Variants in SMARCAD1 observed in about 807,000 individuals in gnomAD.
The protein encoded by SMARCAD1 is SNF2 related chromatin remodeling ATPase with DExD box 1.
A neutral mutation model predicts 127.1 loss-of-function variants in SMARCAD1; 25 were observed. The ratio of observed to expected loss-of-function variants is 0.20; its 90% confidence interval spans 0.14 to 0.27. The LOEUF is 0.27. SMARCAD1 is among the 10% of genes least tolerant of loss of function. The probability of loss-of-function intolerance (pLI) is 1.00; values close to 1 mark genes in which losing one functional copy is unlikely to be tolerated. For synonymous variants in SMARCAD1, 400 were observed against 396.9 expected (o/e 1.01, Z -0.09); for missense variants, 807 against 1,206.0 (o/e 0.67, Z 4.90).
chr4:94,267,188 A>G lies in SMARCAD1; in HGVS notation c.1481+2282A>G, dbSNP rs375772724. Among the ~76,000 whole-genome samples, 10 of 152,274 alleles carry G rather than the reference A, an allele frequency of 6.6e-5. No individual in the cohort carries two copies. The East Asian group carries it at 1.5e-3, about 24-fold the overall frequency. On this transcript the variant is annotated intron_variant, in intron 10 of 23. Coordinates refer to ENST00000354268, the MANE Select transcript of SMARCAD1 (RefSeq NM_020159.5). ...TGATCTTGTTCATCCTGAACTTGACAGCATGGTTCCTACCCTGTTCTTACA... is the reference window on the plus strand; with the variant it reads ...TGATCTTGTTCATCCTGAACTTGACGGCATGGTTCCTACCCTGTTCTTACA...
At chr4:94,273,754 A>G (rs752441151) in intron 12 of SMARCAD1, 38 bp downstream of exon 12, 12 of 1,495,430 alleles carry the variant, frequency 8.0e-6, no homozygotes, top group African/African-American at 2.8e-5. Context: ...TAACTTTATC[A>G]TGTTTTATAT....
chr4:94,253,770 C>T (rs1225314787), intron 9 of SMARCAD1: 3 of 800,058 alleles, frequency 3.7e-6, no homozygotes, highest in South Asian at 5.6e-5. Context: ...TGCCAACAGT[C>T]ATCAAATCTT....
At chr4:94,279,697 G>A (rs2125995912) in intron 19 of SMARCAD1, among the ~76,000 whole-genome samples, 1 of 152,174 alleles carries the variant, frequency 6.6e-6, no homozygotes, top group Admixed American at 6.5e-5. Flanking sequence ...CCCTTTACAG[G>A]AACAGTTTGC....
intron 6 of SMARCAD1, among the ~76,000 whole-genome samples, chr4:94,248,259 G>A (rs4331749): frequency 4.6e-4 from 70 of 152,292 alleles, no homozygotes; most frequent in South Asian, 1.2e-3. Context: ...GTGTGTATCA[G>A]TACTTCATTC....
In SMARCAD1 at chr4:94,289,704, TACTC is replaced by T. The variant is rs200998764; in HGVS notation, c.*173_*176del. ...TTTGCCACTAACTGAATTCTCCAAA[TACTC>T]ACACGTGAAATTTCAAAAAAGAAGC... On this transcript the variant is annotated 3_prime_UTR_variant, in exon 24 of 24. Coordinates refer to ENST00000354268, the MANE Select transcript of SMARCAD1 (RefSeq NM_020159.5). The T allele has an allele frequency of 0.022, 16,031 of 716,534 alleles. 287 individuals are homozygous for T. Among genetic ancestry groups the T allele is most frequent in the Middle Eastern group, 0.048 (148 of 3,072 alleles). 44.4% of individuals were successfully genotyped at this position (716,534 alleles called of 1,614,324 possible).
intron 12 of SMARCAD1, 99 bp from the exon 13 acceptor site, chr4:94,274,639 C>G: frequency 4.4e-6 from 5 of 1,148,194 alleles, no homozygotes; most frequent in Non-Finnish European, 6.6e-6. Context: ...TTATAAAAGA[C>G]TGATTTCTGA....
intron 3 of SMARCAD1, among the ~76,000 whole-genome samples, chr4:94,231,608 A>G (rs1050062404): frequency 1.3e-5 from 2 of 152,170 alleles, no homozygotes; most frequent in African/African-American, 2.4e-5. Flanking sequence ...ATTTTAAATT[A>G]CGGACATCCC....
chr4:94,252,077 C>G (rs950649798), intron 8 of SMARCAD1, among the ~76,000 whole-genome samples: 1 of 152,278 alleles, frequency 6.6e-6, no homozygotes, highest in South Asian at 2.1e-4. Context: ...GTCTCGAACT[C>G]CTGACCTTGT....
intron 6 of SMARCAD1, 103 bp downstream of exon 6, chr4:94,241,109 C>T: frequency 2.6e-6 from 2 of 772,616 alleles, no homozygotes; most frequent in Non-Finnish European, 4.4e-6. Flanking sequence ...TAAATGAATT[C>T]CTTTCTATCA....
intron 9 of SMARCAD1, 36 bp downstream of exon 9, chr4:94,253,043 G>A (rs1396801666): frequency 1.9e-6 from 3 of 1,604,878 alleles, no homozygotes; most frequent in Non-Finnish European, 2.5e-6. Context: ...TTGTATGTGT[G>A]TGTGTATTTA....
chr4:94,275,796 C>CTTTTTTTTTTTTTTTTTTTTT (rs535710589), intron 14 of SMARCAD1, among the ~76,000 whole-genome samples: 1 of 85,410 alleles, frequency 1.2e-5, no homozygotes, highest in African/African-American at 3.7e-5. Flanking sequence ...TTAACATTTT[C>CTTTTTTTTTTTTTTTTTTTTT]TTTTTTTTTT....
At chr4:94,247,819 G>A (rs1424135023) in intron 6 of SMARCAD1, among the ~76,000 whole-genome samples, 1 of 152,064 alleles carries the variant, frequency 6.6e-6, no homozygotes. Context: ...TTTAATTTCA[G>A]AAAAATGTGT....
At chr4:94,248,352 C>A in intron 6 of SMARCAD1, 2 of 386,214 alleles carry the variant, frequency 5.2e-6, no homozygotes, top group Middle Eastern at 7.2e-4. Flanking sequence ...AACAAATGAA[C>A]AACTGAAGTT....
intron 6 of SMARCAD1, among the ~76,000 whole-genome samples, chr4:94,248,241 A>T (rs1748751538): frequency 6.6e-6 from 1 of 152,190 alleles, no homozygotes; most frequent in Non-Finnish European, 1.5e-5. Context: ...ATGTTCATTC[A>T]TGTTGTGGTG....
intron 2 of SMARCAD1, among the ~76,000 whole-genome samples, 183 bp from the exon 3 acceptor site, chr4:94,225,936 A>C (rs930392019): frequency 3.3e-5 from 5 of 152,244 alleles, no homozygotes; most frequent in African/African-American, 4.8e-5. Flanking sequence ...CAACCTGTGA[A>C]ACAGAAAATG....
intron 5 of SMARCAD1, among the ~76,000 whole-genome samples, chr4:94,240,372 A>G (rs1305290662): frequency 1.3e-5 from 2 of 152,200 alleles, no homozygotes; most frequent in Admixed American, 1.3e-4. Flanking sequence ...CATTAAAAGC[A>G]TTTGTTGCTT....
Position 94,235,229 on chromosome 4 carries a change from CTTTTTTTTTTTTTTTT to C in SMARCAD1, c.537+1121_537+1136del, listed in dbSNP as rs35123705. On this transcript the variant is annotated intron_variant, in intron 4 of 23. Transcript: ENST00000354268. Reference sequence around the variant, plus strand: ...TCCCAGTCCCAGGCAACCACCAATCCTTTTTTTTTTTTTTTTTTTTTTTTTTTTTAGCTTATTGTGG... The same window carrying C: ...TCCCAGTCCCAGGCAACCACCAATCCTTTTTTTTTTTTTAGCTTATTGTGG... 4.6e-3 allele frequency among the ~76,000 whole-genome samples: 181 copies of C among 39,324 alleles called. 3 individuals are homozygous for C. The East Asian group carries it at 0.12, about 26-fold the overall frequency. The allele number at this position is 39,324 out of a possible 152,430, so 25.8% of individuals were successfully genotyped here.
intron 2 of SMARCAD1, among the ~76,000 whole-genome samples, chr4:94,217,990 C>T (rs533697087): frequency 6.6e-6 from 1 of 152,108 alleles, no homozygotes; most frequent in African/African-American, 2.4e-5. Flanking sequence ...GGGTTTCAGT[C>T]AAAAATGTTT....
At position 94,208,352 on chromosome 4, in the gene SMARCAD1, C is replaced by G. The variant is rs763375614; in HGVS notation, c.-43C>G. The G allele has an allele frequency of 4.4e-6, 7 of 1,591,652 alleles. No individual in the cohort carries two copies. Among genetic ancestry groups the G allele is most frequent in the Non-Finnish European group, 5.2e-6 (6 of 1,160,410 alleles). On this transcript the variant is annotated 5_prime_UTR_variant, in exon 2 of 24. Coordinates refer to ENST00000354268, the MANE Select transcript of SMARCAD1 (RefSeq NM_020159.5). The stretch of plus-strand genomic sequence containing the variant: ...CTTTATTTTTCCCCTGCAGATAGTT[C>G]ATTTAAAGCCCCCATCCCTGCAAGG...
Sources: gnomAD v4.1 joint callset for allele counts (sites outside exome capture counted in the v4.1 genomes callset) on GRCh38, gnomAD v4.1.1 for gene constraint, MANE v1.5 for transcripts, NCBI Gene and HGNC (gene_info 2026-07-23, HGNC 2026-07-21) for gene names.